The following PRELID2 variants were observed in gnomAD, a reference collection of about 807,000 sequenced individuals.
PRELID2 encodes PRELI domain containing 2, also known as PRELI domain-containing protein 2.
A neutral mutation model predicts 28.4 loss-of-function variants in PRELID2; 25 were observed. The observed-to-expected ratio is 0.88, with a 90% CI of 0.64 to 1.23. The LOEUF is 1.23. Among genes scored for constraint, PRELID2 ranks in the 50% most tolerant of loss-of-function variants. The pLI is 0.00. For synonymous variants in PRELID2, 76 were observed against 71.6 expected, an observed-to-expected ratio of 1.06 and a Z score of -0.31; for missense variants, 201 against 214.4, an observed-to-expected ratio of 0.94 and a Z score of 0.39.
At chr5:145,304,670 G>A in the PRELID2 span, among the ~76,000 whole-genome samples, 2 of 151,970 alleles carry the variant, frequency 1.3e-5, no homozygotes, top group East Asian at 3.9e-4. Flanking sequence ...ATATATTGCT[G>A]CCCCATTTTT....
chr5:145,567,082 C>G (rs1752973245), intron 1 of PRELID2, among the ~76,000 whole-genome samples: 1 of 152,018 alleles, frequency 6.6e-6, no homozygotes, highest in African/African-American at 2.4e-5. Context: ...GGAGTTTTAA[C>G]AAGGAGGATA....
chr5:145,748,645 AAAG>A (rs1757054397), intron 1 of PRELID2, among the ~76,000 whole-genome samples: 6 of 152,224 alleles, frequency 3.9e-5, no homozygotes, highest in Admixed American at 3.9e-4. Flanking sequence ...ATATAGAATC[AAAG>A]AAGACCCTGT....
chr5:145,551,357 T>C (rs919246591), intron 1 of PRELID2, among the ~76,000 whole-genome samples: 3 of 151,890 alleles, frequency 2.0e-5, no homozygotes, highest in African/African-American at 4.8e-5. Context: ...GCCGAGATTG[T>C]GCCACTGCAC....
At chr5:145,655,583 A>C (rs1430827783) in intron 1 of PRELID2, among the ~76,000 whole-genome samples, 1 of 152,250 alleles carries the variant, frequency 6.6e-6, no homozygotes, top group Non-Finnish European at 1.5e-5. Flanking sequence ...TATAGCCCTC[A>C]GAAATAATAC....
At chr5:145,587,197 C>T (rs1478350586) in intron 1 of PRELID2, among the ~76,000 whole-genome samples, 4 of 152,098 alleles carry the variant, frequency 2.6e-5, no homozygotes, top group East Asian at 1.9e-4. Context: ...ATCACCAATT[C>T]GTGGCTGGCT....
chr5:145,456,628 A>G, the PRELID2 span, among the ~76,000 whole-genome samples: 53 of 152,298 alleles, frequency 3.5e-4, no homozygotes, highest in African/African-American at 1.2e-3. Context: ...CTTGTTTATC[A>G]TATGTCTACC....
the PRELID2 span, among the ~76,000 whole-genome samples, chr5:145,271,784 C>A: frequency 6.6e-6 from 1 of 152,160 alleles, no homozygotes; most frequent in Non-Finnish European, 1.5e-5. Flanking sequence ...CCTTACCTGC[C>A]AACATCCAAT....
At chr5:145,301,559 C>T in the PRELID2 span, among the ~76,000 whole-genome samples, 40 of 152,180 alleles carry the variant, frequency 2.6e-4, no homozygotes, top group African/African-American at 9.4e-4. Context: ...CTTTCAGCTC[C>T]TTTCTAAAAG....
the PRELID2 span, chr5:145,229,004 C>T: frequency 1.2e-6 from 2 of 1,601,892 alleles, no homozygotes; most frequent in Non-Finnish European, 8.5e-7. Flanking sequence ...TTGAGGATGT[C>T]AGCAGGGAGT....
intron 1 of PRELID2, among the ~76,000 whole-genome samples, chr5:145,705,923 T>C (rs976681577): frequency 1.4e-5 from 2 of 142,798 alleles, no homozygotes; most frequent in Admixed American, 1.4e-4. Context: ...ACACCACCCA[T>C]GCACACATGT....
the PRELID2 span, among the ~76,000 whole-genome samples, chr5:145,232,223 T>C: frequency 6.6e-6 from 1 of 152,134 alleles, no homozygotes; most frequent in Non-Finnish European, 1.5e-5. Flanking sequence ...GATAATAAAG[T>C]GTATATTATA....
At chr5:145,280,242 C>T in the PRELID2 span, among the ~76,000 whole-genome samples, 6 of 152,108 alleles carry the variant, frequency 3.9e-5, no homozygotes, top group African/African-American at 7.2e-5. Flanking sequence ...AAAAACCTCA[C>T]ACATTTTAAA....
At chr5:145,577,531 C>T (rs1457947129) in intron 1 of PRELID2, among the ~76,000 whole-genome samples, 2 of 151,866 alleles carry the variant, frequency 1.3e-5, no homozygotes, top group African/African-American at 4.8e-5. Flanking sequence ...TGAACTTAGA[C>T]AGTTTACTTG....
At chr5:145,816,114 G>A (rs569825958) in intron 4 of PRELID2, among the ~76,000 whole-genome samples, 61 of 118,702 alleles carry the variant, frequency 5.1e-4, no homozygotes, top group Middle Eastern at 7.8e-3. Context: ...AGACAGTCTC[G>A]CTCTGTTGCC....
chr5:145,383,958 A>T, the PRELID2 span, among the ~76,000 whole-genome samples: 7 of 152,070 alleles, frequency 4.6e-5, no homozygotes, highest in Non-Finnish European at 1.0e-4. Flanking sequence ...TACATAATAC[A>T]TTTTTACAAA....
chr5:145,751,185 T>A (rs1013359790), intron 1 of PRELID2, among the ~76,000 whole-genome samples: 4 of 152,212 alleles, frequency 2.6e-5, no homozygotes, highest in African/African-American at 9.6e-5. Flanking sequence ...CTTTCTCAAC[T>A]AAGAGCTTTA....
the PRELID2 span, among the ~76,000 whole-genome samples, chr5:145,303,001 G>A: frequency 6.6e-6 from 1 of 152,116 alleles, no homozygotes; most frequent in Non-Finnish European, 1.5e-5. Context: ...TATAATCACA[G>A]GTAATATTAG....
the PRELID2 span, among the ~76,000 whole-genome samples, chr5:145,358,832 T>C: frequency 1.4e-4 from 22 of 152,198 alleles, no homozygotes; most frequent in African/African-American, 5.3e-4. Flanking sequence ...AGTTCTGGAA[T>C]TAAGTTTAAA....
At chr5:145,649,866 G>A (rs574330733) in intron 1 of PRELID2, among the ~76,000 whole-genome samples, 8 of 152,170 alleles carry the variant, frequency 5.3e-5, no homozygotes, top group Non-Finnish European at 1.0e-4. Context: ...GGTTTTCACT[G>A]TCTGTTTTTA....
Sources: gnomAD v4.1 joint callset for allele counts (sites outside exome capture counted in the v4.1 genomes callset) on GRCh38, gnomAD v4.1.1 for gene constraint, MANE v1.5 for transcripts, NCBI Gene and HGNC (gene_info 2026-07-23, HGNC 2026-07-21) for gene names.